Variants in GALNT13 observed in about 807,000 individuals in gnomAD.
GALNT13 encodes UDP-GalNAc:polypeptide N-acetylgalactosaminyltransferase 13.
In GALNT13, 28 loss-of-function variants were observed where a neutral mutation model predicts 64.2. The observed-to-expected ratio is 0.44, with a 90% CI of 0.32 to 0.60. The LOEUF (loss-of-function observed/expected upper bound fraction) is 0.60. Among genes scored for constraint, GALNT13 ranks in the 20% least tolerant of loss-of-function variants. The pLI is 0.05. For synonymous variants in GALNT13, 214 were observed against 224.6 expected, an observed-to-expected ratio of 0.95 and a Z score of 0.42; for missense variants, 577 against 669.8, an observed-to-expected ratio of 0.86 and a Z score of 1.53.
chr2:153,953,101 A>T (rs1224267208), intron 3 of GALNT13, among the ~76,000 whole-genome samples: 1 of 152,140 alleles, frequency 6.6e-6, no homozygotes, highest in Non-Finnish European at 1.5e-5. Flanking sequence ...ACATACACCC[A>T]GGATCAATAC....
At chr2:153,510,479 C>T in the GALNT13 span, among the ~76,000 whole-genome samples, 1 of 152,126 alleles carries the variant, frequency 6.6e-6, no homozygotes, top group Non-Finnish European at 1.5e-5. Flanking sequence ...TGGAAACAAA[C>T]ACGTATATAA....
the GALNT13 span, among the ~76,000 whole-genome samples, chr2:153,525,731 G>A: frequency 1.3e-5 from 2 of 152,050 alleles, no homozygotes; most frequent in South Asian, 4.1e-4. Context: ...CTGGAGTAGA[G>A]CACCAAGTGG....
At chr2:153,533,840 TTG>T in the GALNT13 span, among the ~76,000 whole-genome samples, 3 of 150,864 alleles carry the variant, frequency 2.0e-5, no homozygotes, top group African/African-American at 4.9e-5. Context: ...ATTTCTGTTA[TTG>T]TGTTTTTGAT....
chr2:153,145,587 A>G, the GALNT13 span, among the ~76,000 whole-genome samples: 3 of 151,916 alleles, frequency 2.0e-5, no homozygotes, highest in Non-Finnish European at 4.4e-5. Context: ...TAATTTTGGC[A>G]TTGGGTTTTC....
At chr2:154,021,829 G>T (rs1314431419) in intron 3 of GALNT13, among the ~76,000 whole-genome samples, 5 of 149,186 alleles carry the variant, frequency 3.4e-5, no homozygotes, top group African/African-American at 4.9e-5. Flanking sequence ...TATGATATTG[G>T]CTGTGGATTT....
the GALNT13 span, among the ~76,000 whole-genome samples, chr2:153,347,469 A>G: frequency 6.6e-6 from 1 of 152,258 alleles, no homozygotes; most frequent in African/African-American, 2.4e-5. Flanking sequence ...GTAAGACATT[A>G]AAACCCAAAC....
At chr2:154,127,507 T>C (rs1373035870) in intron 3 of GALNT13, among the ~76,000 whole-genome samples, 2 of 151,954 alleles carry the variant, frequency 1.3e-5, no homozygotes, top group Non-Finnish European at 2.9e-5. Flanking sequence ...GCAGTGTTTA[T>C]GTAAGGAAAA....
chr2:153,928,169 A>G (rs183916389), intron 2 of GALNT13, among the ~76,000 whole-genome samples: 4 of 152,180 alleles, frequency 2.6e-5, no homozygotes, highest in East Asian at 1.9e-4. Flanking sequence ...ACAAGATAAT[A>G]TATTATTCCT....
chr2:153,131,487 G>C, the GALNT13 span, among the ~76,000 whole-genome samples: 2 of 151,686 alleles, frequency 1.3e-5, no homozygotes, highest in African/African-American at 2.4e-5. Flanking sequence ...GACTGTAAGA[G>C]AGTAAACTGG....
the GALNT13 span, among the ~76,000 whole-genome samples, chr2:153,275,702 G>A: frequency 6.6e-6 from 1 of 152,108 alleles, no homozygotes; most frequent in African/African-American, 2.4e-5. Context: ...ATAAGGCTAT[G>A]TCATGATTTA....
At chr2:154,401,011 A>G (rs1381302562) in intron 10 of GALNT13, among the ~76,000 whole-genome samples, 1 of 152,154 alleles carries the variant, frequency 6.6e-6, no homozygotes, top group African/African-American at 2.4e-5. Context: ...GAGCCAAGTG[A>G]CAACTCTTGG....
the GALNT13 span, among the ~76,000 whole-genome samples, chr2:153,361,377 T>G: frequency 3.9e-5 from 6 of 152,126 alleles, no homozygotes; most frequent in East Asian, 1.2e-3. Flanking sequence ...ATAAATGAAT[T>G]GACAGAAGTA....
At chr2:154,419,229 T>G (rs1700149762) in intron 11 of GALNT13, among the ~76,000 whole-genome samples, 1 of 152,132 alleles carries the variant, frequency 6.6e-6, no homozygotes, top group Non-Finnish European at 1.5e-5. Flanking sequence ...GATAAAAACT[T>G]GTAGGAACTT....
At chr2:153,133,694 G>C in the GALNT13 span, among the ~76,000 whole-genome samples, 1 of 152,064 alleles carries the variant, frequency 6.6e-6, no homozygotes, top group Admixed American at 6.6e-5. Flanking sequence ...CTATAATTTA[G>C]GGCAACACAA....
At chr2:153,786,044 A>C in the GALNT13 span, among the ~76,000 whole-genome samples, 1 of 151,838 alleles carries the variant, frequency 6.6e-6, no homozygotes, top group Non-Finnish European at 1.5e-5. Flanking sequence ...GAACACTCCC[A>C]GTAACAGCGG....
chr2:154,146,551 G>A (rs536903574), intron 4 of GALNT13, among the ~76,000 whole-genome samples: 1 of 151,884 alleles, frequency 6.6e-6, no homozygotes, highest in Non-Finnish European at 1.5e-5. Flanking sequence ...TAAAATATGC[G>A]AATTTAGCAT....
At chr2:153,379,471 T>C in the GALNT13 span, among the ~76,000 whole-genome samples, 1 of 152,158 alleles carries the variant, frequency 6.6e-6, no homozygotes, top group East Asian at 1.9e-4. Context: ...TTAATTTTAT[T>C]AGGTTCTGAT....
At chr2:154,347,780 A>C (rs556102936) in intron 9 of GALNT13, among the ~76,000 whole-genome samples, 3 of 152,144 alleles carry the variant, frequency 2.0e-5, no homozygotes, top group Non-Finnish European at 2.9e-5. Context: ...CAACTCTCAG[A>C]AGTAGTTAGT....
At chr2:153,095,694 A>G in the GALNT13 span, among the ~76,000 whole-genome samples, 1 of 152,204 alleles carries the variant, frequency 6.6e-6, no homozygotes, top group African/African-American at 2.4e-5. Flanking sequence ...ACACCATGGA[A>G]TACTATGCAG....
Sources: allele counts gnomAD v4.1 joint callset (sites outside exome capture counted in the v4.1 genomes callset), GRCh38; gene constraint gnomAD v4.1.1; transcripts MANE v1.5; gene names NCBI Gene and HGNC (gene_info 2026-07-23, HGNC 2026-07-21).